DOCK11: variants seen among roughly 807,000 people sequenced by gnomAD.
DOCK11 encodes the protein dedicator of cytokinesis 11.
DOCK11 carries 70 observed loss-of-function variants against 169.1 expected under a neutral mutation model. The ratio of observed to expected loss-of-function variants is 0.41; its 90% CI spans 0.34 to 0.51. DOCK11 has a LOEUF of 0.51. DOCK11 is among the 20% of genes least tolerant of loss of function. DOCK11 has a pLI of 0.10. For missense variants in DOCK11, 1,166 were observed against 1,538.8 expected (o/e 0.76, Z 4.05); for synonymous variants, 529 against 541.3 (o/e 0.98, Z 0.32).
Position 118,662,707 on chromosome X carries a change from C to G in DOCK11, c.4991C>G (p.Ser1664Ter), listed in dbSNP as rs1222168091. 1 of 1,182,471 alleles carries G rather than the reference C, an allele frequency of 8.5e-7. No individual in the cohort carries two copies. Among genetic ancestry groups the G allele is most frequent in the Non-Finnish European group, 1.1e-6 (1 of 871,693 alleles). ...ACAGAATTATTTCCTAACGGATGTT[C>G]AGCGTTCAAGAAAATTACTCCCAAT... ...HRKKLFPNGC[S>*]AFKKITPNID... Residue 1664 changes from serine to a stop codon, truncating the protein, a stop_gained, in exon 45 of 53, where the codon TCA becomes TGA. Transcript: ENST00000276202. LOFTEE classifies it high-confidence loss of function.
Position 118,683,104 on chromosome X carries a change from G to T in DOCK11, c.5989G>T (p.Ala1997Ser), listed in dbSNP as rs1419959479. Residue 1997 changes from alanine (A) to serine (S), a missense_variant, in exon 52 of 53, where the codon GCA (alanine) becomes TCA (serine). By Grantham distance (99) the Ala-to-Ser change is moderately conservative. Transcript: ENST00000276202. ...GAAATTTATACAAGCATGCAGCATT[G>T]CACTTGAACTAAATGAGCGGCTAAT... ...FRKFIQACSI[A>S]LELNERLIKE... 1 of 1,209,396 alleles carries T rather than the reference G, an allele frequency of 8.3e-7. No individual in the cohort carries two copies. The highest frequency in any genetic ancestry group is 1.8e-5 in the South Asian group (1 of 56,574).
At chrX:118,607,140 G>T in intron 24 of DOCK11, among the ~76,000 whole-genome samples, 1 of 76,552 alleles carries the variant, frequency 1.3e-5, no homozygotes, top group Admixed American at 1.8e-4. Flanking sequence ...TTTTTAGGTG[G>T]AGTCTAGCTC....
At chrX:118,589,316 A>G (rs958510005) in intron 18 of DOCK11, among the ~76,000 whole-genome samples, 1 of 111,922 alleles carries the variant, frequency 8.9e-6, no homozygotes, top group East Asian at 2.8e-4. Context: ...AGATGAGAAC[A>G]ACTGCTCTAT....
Position 118,671,141 on chromosome X carries a change from T to C in DOCK11, c.5195T>C (p.Phe1732Ser). ...CCAATTTATGAGAAACGTCGTGAGT[T>C]TGAGGTAGGCAATTTGAACATTTTT... ...IVPIYEKRRE[F>S]EKLTQVYRTL... The change falls in exon 46 of 53, where the codon TTT (phenylalanine) becomes TCT (serine). Residue 1732 changes from phenylalanine (F) to serine (S), a missense_variant. Transcript: ENST00000276202. 1 of 1,200,209 alleles carries C rather than the reference T, an allele frequency of 8.3e-7. No homozygotes were observed. The highest frequency in any genetic ancestry group is 1.1e-6 in the Non-Finnish European group (1 of 889,500).
intron 1 of DOCK11, among the ~76,000 whole-genome samples, chrX:118,515,326 C>T (rs1011384813): frequency 1.8e-5 from 2 of 112,101 alleles, no homozygotes; most frequent in African/African-American, 3.2e-5. Context: ...CTCCGCCTCT[C>T]GAGTTCAAGC....
chrX:118,546,172 C>G, intron 6 of DOCK11, 56 bp downstream of exon 6: 1 of 292,439 alleles, frequency 3.4e-6, no homozygotes, highest in East Asian at 7.4e-5. Flanking sequence ...CATAAGTAGT[C>G]TATCTGGAAA....
At chrX:118,684,863 T>C (rs1329113040) in intron 52 of DOCK11, among the ~76,000 whole-genome samples, 2 of 111,997 alleles carry the variant, frequency 1.8e-5, no homozygotes, top group African/African-American at 6.5e-5. Flanking sequence ...ACAAATGATA[T>C]GTCTCAATAC....
chrX:118,506,687 A>G (rs905217438), intron 1 of DOCK11, among the ~76,000 whole-genome samples: 1 of 112,441 alleles, frequency 8.9e-6, no homozygotes, highest in Non-Finnish European at 1.9e-5. Flanking sequence ...TATTTTGGAA[A>G]CATACGTTTT....
chrX:118,651,333 C>G (rs2015941126), intron 41 of DOCK11, among the ~76,000 whole-genome samples: 1 of 111,321 alleles, frequency 9.0e-6, no homozygotes, highest in Admixed American at 9.6e-5. Flanking sequence ...ACTTGGGAGG[C>G]TGAGGTGGGA....
At chrX:118,505,252 C>T (rs940357181) in intron 1 of DOCK11, among the ~76,000 whole-genome samples, 1 of 112,087 alleles carries the variant, frequency 8.9e-6, no homozygotes, top group Non-Finnish European at 1.9e-5. Context: ...GTCTCGAACT[C>T]CTGACCTCAA....
intron 28 of DOCK11, 81 bp downstream of exon 28, chrX:118,610,499 A>G: frequency 9.2e-7 from 1 of 1,082,251 alleles, no homozygotes; most frequent in Non-Finnish European, 1.2e-6. Context: ...AGCACTTTCT[A>G]GAGGCTCAGC....
At chrX:118,611,593 A>G (rs56059345) in intron 28 of DOCK11, among the ~76,000 whole-genome samples, 1,358 of 112,381 alleles carry the variant, frequency 0.012, 18 homozygotes, top group Non-Finnish European at 0.018. Flanking sequence ...GTAAATGTAA[A>G]TTGTTAGTGT....
chrX:118,578,098 G>C (rs559103181), intron 12 of DOCK11, among the ~76,000 whole-genome samples: 1 of 112,424 alleles, frequency 8.9e-6, no homozygotes. Flanking sequence ...ATGTCTTTTA[G>C]AGGATGATTT....
rs777940472 is a variant in DOCK11 at position 118,676,561 on chromosome X, TAA to T, written c.5314-29_5314-28del. 32 of 919,010 alleles carry T rather than the reference TAA, an allele frequency of 3.5e-5. No individual in the cohort carries two copies. The African/African-American group carries it at 5.4e-4, about 15-fold the overall frequency. 75.7% of individuals were successfully genotyped at this position (919,010 alleles called of 1,213,427 possible). The stretch of plus-strand genomic sequence containing the variant: ...ATGTTGTGTTTGCTCATATTATTTA[TAA>T]GTTATTATTTGTTTAACTTTATAAT... On this transcript the variant is annotated intron_variant, in intron 47 of 52. Transcript: ENST00000276202.
intron 7 of DOCK11, among the ~76,000 whole-genome samples, chrX:118,563,612 T>C (rs1456694133): frequency 1.8e-5 from 2 of 109,931 alleles, no homozygotes; most frequent in African/African-American, 6.6e-5. Context: ...AAGAGCTTTC[T>C]TACTGGAAGA....
intron 1 of DOCK11, among the ~76,000 whole-genome samples, chrX:118,516,022 T>TATATATATATA (rs1477771599): frequency 3.4e-5 from 3 of 88,292 alleles, no homozygotes; most frequent in Non-Finnish European, 6.5e-5. Flanking sequence ...TATATATACA[T>TATATATATATA]TCTTACACCA....
intron 41 of DOCK11, among the ~76,000 whole-genome samples, chrX:118,650,518 A>T (rs1343362035): frequency 1.8e-5 from 2 of 111,916 alleles, no homozygotes; most frequent in African/African-American, 6.5e-5. Flanking sequence ...CTTGTTGAAA[A>T]ATGTCATCAA....
At chrX:118,534,992 C>T (rs1043764149) in intron 1 of DOCK11, among the ~76,000 whole-genome samples, 11 of 111,764 alleles carry the variant, frequency 9.8e-5, no homozygotes, top group Non-Finnish European at 1.7e-4. Context: ...GAAGCAACAG[C>T]TTAGGAATGC....
intron 1 of DOCK11, among the ~76,000 whole-genome samples, chrX:118,542,390 C>T (rs1373905642): frequency 9.0e-6 from 1 of 110,540 alleles, no homozygotes; most frequent in Middle Eastern, 4.6e-3. Context: ...AGGCTGATCT[C>T]TAATTCCTGG....
Sources: allele counts gnomAD v4.1 joint callset (sites outside exome capture counted in the v4.1 genomes callset), GRCh38; gene constraint gnomAD v4.1.1; transcripts MANE v1.5; gene names NCBI Gene and HGNC (gene_info 2026-07-23, HGNC 2026-07-21).